Variants in NEDD4L observed in about 807,000 individuals in gnomAD.
NEDD4L encodes the protein NEDD4 like E3 ubiquitin protein ligase, also known as E3 ubiquitin-protein ligase NEDD4-like.
A neutral mutation model predicts 148.9 loss-of-function variants in NEDD4L; 54 were observed. The observed-to-expected ratio is 0.36, with a 90% CI of 0.29 to 0.45. The LOEUF (loss-of-function observed/expected upper bound fraction) is 0.45. Among genes scored for constraint, NEDD4L ranks in the 20% least tolerant of loss-of-function variants. NEDD4L has a pLI of 1.00. For synonymous variants in NEDD4L, 433 were observed against 440.7 expected, an observed-to-expected ratio of 0.98 and a Z score of 0.22; for missense variants, 856 against 1,233.8, an observed-to-expected ratio of 0.69 and a Z score of 4.59.
chr18:58,219,987 A>T (rs1025025136), intron 2 of NEDD4L, among the ~76,000 whole-genome samples: 3 of 152,220 alleles, frequency 2.0e-5, no homozygotes, highest in African/African-American at 4.8e-5. Context: ...GAAACATTGT[A>T]GCTTAATTTG....
At chr18:58,223,808 A>G (rs2044044605) in intron 2 of NEDD4L, among the ~76,000 whole-genome samples, 1 of 152,222 alleles carries the variant, frequency 6.6e-6, no homozygotes. Context: ...GCAATGGCAG[A>G]AGCACATGTT....
intron 2 of NEDD4L, among the ~76,000 whole-genome samples, chr18:58,201,289 C>T (rs371053239): frequency 1.1e-3 from 164 of 152,096 alleles, no homozygotes; most frequent in Admixed American, 5.4e-3. Flanking sequence ...GCCGAGATCA[C>T]GCCACTGTAC....
At chr18:58,109,885 G>A (rs745525890) in intron 1 of NEDD4L, among the ~76,000 whole-genome samples, 1 of 152,128 alleles carries the variant, frequency 6.6e-6, no homozygotes, top group African/African-American at 2.4e-5. Context: ...AGATTTTTAA[G>A]CAGGGAAGCA....
At chr18:58,191,988 C>G (rs986169530) in intron 2 of NEDD4L, among the ~76,000 whole-genome samples, 1 of 152,076 alleles carries the variant, frequency 6.6e-6, no homozygotes, top group East Asian at 1.9e-4. Context: ...CTGGGTAACA[C>G]GGTGAAACTC....
intron 5 of NEDD4L, among the ~76,000 whole-genome samples, chr18:58,273,399 A>G (rs1050823139): frequency 5.3e-5 from 8 of 151,800 alleles, no homozygotes; most frequent in Admixed American, 2.6e-4. Flanking sequence ...TTTACAGAGG[A>G]TCTCTCTCTC....
At position 58,164,593 on chromosome 18, in the gene NEDD4L, C is replaced by T. The variant is rs145021719; in HGVS notation, c.49-1195C>T. 3.8e-3 allele frequency among the ~76,000 whole-genome samples: 573 copies of T among 152,294 alleles called. 5 individuals are homozygous for T. The highest frequency in any genetic ancestry group is 0.013 in the African/African-American group (526 of 41,582). ...TTCAGCAATTCTCCTGCCTCAGCCTCCTGAGTAGCTGGGATTACAGGCACA... is the reference window on the plus strand; with the variant it reads ...TTCAGCAATTCTCCTGCCTCAGCCTTCTGAGTAGCTGGGATTACAGGCACA... On this transcript the variant is annotated intron_variant, in intron 1 of 30. Coordinates refer to ENST00000400345, the MANE Select transcript of NEDD4L (RefSeq NM_001144967.3).
chr18:58,240,030 G>C (rs2148325601), intron 2 of NEDD4L, among the ~76,000 whole-genome samples: 1 of 152,306 alleles, frequency 6.6e-6, no homozygotes, highest in African/African-American at 2.4e-5. Context: ...GAGAGAGCAG[G>C]TGCCTGAGGA....
At chr18:58,138,887 T>C (rs1286254732) in intron 1 of NEDD4L, among the ~76,000 whole-genome samples, 3 of 152,190 alleles carry the variant, frequency 2.0e-5, no homozygotes, top group Non-Finnish European at 2.9e-5. Context: ...AACACATGAA[T>C]TTTAGGGGGA....
At chr18:58,259,436 G>C (rs573001968) in intron 5 of NEDD4L, among the ~76,000 whole-genome samples, 2 of 152,280 alleles carry the variant, frequency 1.3e-5, no homozygotes, top group Admixed American at 6.5e-5. Flanking sequence ...TTATAAATTA[G>C]CTTTTGGGTT....
At chr18:58,061,168 A>G (rs1220857934) in intron 1 of NEDD4L, among the ~76,000 whole-genome samples, 4 of 152,172 alleles carry the variant, frequency 2.6e-5, no homozygotes, top group Non-Finnish European at 5.9e-5. Flanking sequence ...CAGCTCCCAC[A>G]ACGATCATCT....
intron 2 of NEDD4L, 129 bp from the exon 3 acceptor site, chr18:58,245,298 T>A: frequency 1.9e-6 from 1 of 531,326 alleles, no homozygotes; most frequent in Non-Finnish European, 3.4e-6. Context: ...TTAAAAAGGT[T>A]ATTGCTTAGT....
chr18:58,208,766 A>G (rs541095205), intron 2 of NEDD4L, among the ~76,000 whole-genome samples: 1 of 152,318 alleles, frequency 6.6e-6, no homozygotes. Flanking sequence ...TGGGTTCTGA[A>G]TGACTGGCTC....
intron 5 of NEDD4L, chr18:58,255,640 C>G: frequency 8.1e-7 from 1 of 1,232,530 alleles, no homozygotes; most frequent in Non-Finnish European, 1.0e-6. Context: ...CCCTGGTCAC[C>G]ATGGCCCATC....
rs2050664568 is a variant in NEDD4L at position 58,398,964 on chromosome 18, T to C, written c.*2695T>C. On this transcript the variant is annotated 3_prime_UTR_variant, in exon 31 of 31. Coordinates refer to ENST00000400345, the MANE Select transcript of NEDD4L (RefSeq NM_001144967.3). ...ACACTGCTCTGCAGGCCGGGCTCTC[T>C]TTATAGCCAGAGAAATCACCTTAAT... 2 of 152,256 alleles carry C rather than the reference T, an allele frequency of 1.3e-5. No individual in the cohort carries two copies. Among genetic ancestry groups the C allele is most frequent in the South Asian group, 2.1e-4 (1 of 4,828 alleles). The allele number at this position is 152,256 out of a possible 1,614,324, so 9.4% of individuals were successfully genotyped here.
At chr18:58,102,573 C>CT (rs1196400690) in intron 1 of NEDD4L, among the ~76,000 whole-genome samples, 4 of 152,134 alleles carry the variant, frequency 2.6e-5, no homozygotes, top group Non-Finnish European at 4.4e-5. Flanking sequence ...CAGGTTCTCC[C>CT]TCTGCAGATT....
At chr18:58,375,529 G>A (rs1367553749) in intron 24 of NEDD4L, among the ~76,000 whole-genome samples, 1 of 152,042 alleles carries the variant, frequency 6.6e-6, no homozygotes, top group East Asian at 1.9e-4. Flanking sequence ...CCTCCTTCCT[G>A]TCAACCTGTC....
intron 5 of NEDD4L, among the ~76,000 whole-genome samples, chr18:58,291,343 C>T (rs2054733289): frequency 6.6e-6 from 1 of 152,254 alleles, no homozygotes; most frequent in Admixed American, 6.5e-5. Flanking sequence ...ATGGCCTTCC[C>T]TGACCACAAG....
intron 1 of NEDD4L, chr18:58,045,814 T>G (rs2081552576): frequency 6.6e-6 from 1 of 152,246 alleles, no homozygotes. Context: ...GTTGTGCATT[T>G]CATGAAAAGT....
At chr18:58,120,329 C>T (rs1163276624) in intron 1 of NEDD4L, among the ~76,000 whole-genome samples, 1 of 152,196 alleles carries the variant, frequency 6.6e-6, no homozygotes, top group Non-Finnish European at 1.5e-5. Context: ...CCTGGTTCTG[C>T]TATTCATTGG....
Sources: allele counts gnomAD v4.1 joint callset (sites outside exome capture counted in the v4.1 genomes callset), GRCh38; gene constraint gnomAD v4.1.1; transcripts MANE v1.5; gene names NCBI Gene and HGNC (gene_info 2026-07-23, HGNC 2026-07-21).